The following SUN1 variants were observed in gnomAD, a reference collection of about 807,000 sequenced individuals.
The protein encoded by SUN1 is Sad1 and UNC84 domain containing 1.
A neutral mutation model predicts 103.2 loss-of-function variants in SUN1; 61 were observed. That is an observed-to-expected ratio of 0.59 (90% confidence interval 0.48 to 0.73). The LOEUF (loss-of-function observed/expected upper bound fraction) is 0.73, where lower values mean the gene tolerates loss of function less well. Among genes scored for constraint, SUN1 ranks in the 30% least tolerant of loss-of-function variants. The probability of loss-of-function intolerance (pLI) is 0.00; values close to 1 mark genes in which losing one functional copy is unlikely to be tolerated. For missense variants in SUN1, 1,052 were observed against 1,034.6 expected (o/e 1.02, Z -0.23); for synonymous variants, 490 against 425.7 (o/e 1.15, Z -1.86).
intron 9 of SUN1, 122 bp from the exon 10 acceptor site, chr7:853,287 C>G (rs2128399476): frequency 8.9e-7 from 1 of 1,123,274 alleles, no homozygotes; most frequent in South Asian, 1.4e-5. Context: ...GTGGATTCCT[C>G]CATTCGTGTG....
rs1562872279 is a variant in SUN1 at position 874,164 on chromosome 7, C to G, written c.*833C>G. 6.6e-6 allele frequency: 1 copy of G among 152,318 alleles called. No homozygotes were observed. 9.4% of individuals were successfully genotyped at this position (152,318 alleles called of 1,614,324 possible). On this transcript the variant is annotated 3_prime_UTR_variant, in exon 19 of 19. Transcript: ENST00000401592. ...TGCTGAATAGGGAGCGCAAGACGCC[C>G]TGAGCCTCCCTCTCACTGGTGGTGA...
At chr7:838,127 ACTGC>A (rs1805309236) in intron 1 of SUN1, among the ~76,000 whole-genome samples, 1 of 152,240 alleles carries the variant, frequency 6.6e-6, no homozygotes, top group South Asian at 2.1e-4. Context: ...GTCATAGCTC[ACTGC>A]AGCCTCAAAC....
intron 16 of SUN1, 70 bp from the exon 17 acceptor site, chr7:869,279 T>C (rs768007219): frequency 2.0e-6 from 3 of 1,533,774 alleles, no homozygotes; most frequent in Non-Finnish European, 2.6e-6. Context: ...AATCAGTCTT[T>C]CCTCTTCCTG....
At position 860,218 on chromosome 7, in the gene SUN1, T is replaced by G; in HGVS notation, c.1615T>G (p.Ser539Ala). 1.9e-6 allele frequency: 3 copies of G among 1,614,258 alleles called. No homozygotes were observed. Among genetic ancestry groups the G allele is most frequent in the Non-Finnish European group, 2.5e-6 (3 of 1,180,048 alleles). ...GGAACAGCTGCTGCAGAGGTTCTCA[T>G]CACAGTTTGTGAGCAAAGGCGACTT... ...SLEQLLQRFS[S>A]QFVSKGDLQT... is the part of the protein sequence containing the mutation. The change falls in exon 14 of 19, where the codon TCA (serine) becomes GCA (alanine). Residue 539 changes from serine to alanine, a missense_variant. Physicochemically the swap from Ser to Ala is moderately conservative, Grantham distance 99. Transcript: ENST00000401592.
intron 1 of SUN1, among the ~76,000 whole-genome samples, chr7:825,685 C>G (rs1213967690): frequency 2.0e-5 from 3 of 152,182 alleles, no homozygotes; most frequent in South Asian, 2.1e-4. Context: ...TTTTCTTCCT[C>G]TAAATGAAAT....
At chr7:831,937 TTC>T (rs1439725817), upstream of SUN1, 1 of 624,520 alleles carries the variant, frequency 1.6e-6, no homozygotes, top group Non-Finnish European at 2.0e-6. Context: ...ACTCAACACT[TTC>T]TAACCTAAAA....
chr7:822,315 C>T (rs11765528), intron 1 of SUN1, among the ~76,000 whole-genome samples: 59,194 of 152,058 alleles, frequency 0.39, 11,892 homozygotes, highest in African/African-American at 0.49. Context: ...TTCATTTAGT[C>T]GCTTAGGGGC....
At chr7:851,517 C>T (rs1207926890) in intron 6 of SUN1, 35 bp downstream of exon 6, 1 of 1,548,818 alleles carries the variant, frequency 6.5e-7, no homozygotes, top group Non-Finnish European at 8.8e-7. Context: ...GCGTTCTCTC[C>T]AGAGCTTCTG....
At chr7:849,502 C>T in intron 5 of SUN1, 1 of 1,360,620 alleles carries the variant, frequency 7.3e-7, no homozygotes, top group Non-Finnish European at 9.8e-7. Flanking sequence ...CCCTAAGCCT[C>T]TTTTGCGTGT....
chr7:840,415 C>T (rs991182069), intron 2 of SUN1, among the ~76,000 whole-genome samples: 3 of 152,186 alleles, frequency 2.0e-5, no homozygotes, highest in East Asian at 1.9e-4. Flanking sequence ...ACTGCCACGC[C>T]GCGCTCTGCC....
intron 10 of SUN1, 107 bp downstream of exon 10, chr7:853,725 A>G: frequency 1.6e-6 from 2 of 1,271,388 alleles, no homozygotes; most frequent in Non-Finnish European, 2.2e-6. Context: ...GCCGTTGTGA[A>G]AAGGGGTTGC....
chr7:869,547 C>A, intron 17 of SUN1, 31 bp downstream of exon 17: 1 of 1,602,682 alleles, frequency 6.2e-7, no homozygotes. Context: ...CTCCTCCTCC[C>A]ACACCTTCCT....
Position 838,919 on chromosome 7 carries a change from G to T in SUN1, c.199G>T (p.Asp67Tyr). 6.2e-7 allele frequency: 1 copy of T among 1,611,406 alleles called. No individual in the cohort carries two copies. The highest frequency in any genetic ancestry group is 8.5e-7 in the Non-Finnish European group (1 of 1,179,228). The change falls in exon 2 of 19, where the codon GAT becomes TAT. Residue 67 changes from aspartate (D) to tyrosine (Y), a missense_variant. Asp to Tyr is a radical substitution (Grantham distance 160). Coordinates refer to ENST00000401592, the MANE Select transcript of SUN1 (RefSeq NM_001130965.3). ...RLATTACTLG[D>Y]GEAVGADSGT... ...GGCCACGACAGCATGCACCCTGGGG[G>T]ATGGTGAGGCTGTGGGTGCCGACAG...
chr7:818,583 G>C lies in SUN1; in HGVS notation c.-74+1910G>C, dbSNP rs1007793397. On this transcript the variant is annotated intron_variant, in intron 1 of 17. Transcript: ENST00000389574. ...AGGAATGGAGTTGCCAGGTCATATG[G>C]TAACTCTGTGTTTAGCTTTTTGAGG... Among the ~76,000 whole-genome samples, 10 of 152,272 alleles carry C rather than the reference G, an allele frequency of 6.6e-5. No homozygotes were observed. The South Asian group carries it at 8.3e-4, about 13-fold the overall frequency.
At chr7:831,587 G>GC (rs1798054853), upstream of SUN1, among the ~76,000 whole-genome samples, 1 of 152,210 alleles carries the variant, frequency 6.6e-6, no homozygotes. Context: ...GTTTTAAAAT[G>GC]CAGGAGTTTC....
chr7:871,477 TC>T (rs1374212991), intron 17 of SUN1, among the ~76,000 whole-genome samples: 1 of 152,090 alleles, frequency 6.6e-6, no homozygotes, highest in Non-Finnish European at 1.5e-5. Context: ...AATGTCCGCC[TC>T]CCGGGTTCAA....
At position 853,623 on chromosome 7, in the gene SUN1, G is replaced by A; in HGVS notation, c.1263+5G>A. The stretch of plus-strand genomic sequence containing the variant: ...GTGGGACAGCCCCCGAGGGAGGTGG[G>A]TGCTGCCGGGCTACCAGGCTCCATG... On this transcript the variant is annotated splice_donor_5th_base_variant and intron_variant, in intron 10 of 18. Coordinates refer to ENST00000401592, the MANE Select transcript of SUN1 (RefSeq NM_001130965.3). 6.3e-7 allele frequency: 1 copy of A among 1,597,810 alleles called. No homozygotes were observed. Among genetic ancestry groups the A allele is most frequent in the Non-Finnish European group, 8.5e-7 (1 of 1,178,458 alleles).
upstream of SUN1, chr7:831,116 C>G (rs576198386): frequency 1.6e-6 from 1 of 630,100 alleles, no homozygotes; most frequent in Non-Finnish European, 2.0e-6. Flanking sequence ...TTAACTATTA[C>G]GTGGATTAAG....
intron 14 of SUN1, 55 bp downstream of exon 14, chr7:860,437 T>C (rs988481188): frequency 1.3e-6 from 2 of 1,591,496 alleles, no homozygotes; most frequent in African/African-American, 1.3e-5. Flanking sequence ...GTGCTGAGAC[T>C]GAAGACCTAG....
Sources: allele counts gnomAD v4.1 joint callset (sites outside exome capture counted in the v4.1 genomes callset), GRCh38; gene constraint gnomAD v4.1.1; transcripts MANE v1.5; gene names NCBI Gene and HGNC (gene_info 2026-07-23, HGNC 2026-07-21).